Variants in FRMD4A observed in about 807,000 individuals in gnomAD.
FRMD4A encodes the protein FERM domain containing 4A, also known as FERM domain-containing protein 4A.
FRMD4A carries 29 observed loss-of-function variants against 129.1 expected under a neutral mutation model. The observed-to-expected ratio is 0.22, with a 90% CI of 0.17 to 0.31. The LOEUF (loss-of-function observed/expected upper bound fraction) is 0.31, where lower values mean the gene tolerates loss of function less well. Ranked by LOEUF, FRMD4A falls within the 10% of genes least tolerant of loss-of-function variation. The pLI is 1.00. For synonymous variants in FRMD4A, 634 were observed against 571.6 expected (o/e 1.11, Z -1.56); for missense variants, 1,272 against 1,375.8 (o/e 0.92, Z 1.19).
At chr10:13,724,323 C>A (rs12219658) in intron 12 of FRMD4A, among the ~76,000 whole-genome samples, 5 of 151,750 alleles carry the variant, frequency 3.3e-5, no homozygotes, top group Admixed American at 3.3e-4. Context: ...GGGAGGCGGA[C>A]GTTGCAGTGA....
At chr10:13,779,970 T>A (rs2092694861) in intron 6 of FRMD4A, among the ~76,000 whole-genome samples, 1 of 152,172 alleles carries the variant, frequency 6.6e-6, no homozygotes, top group Non-Finnish European at 1.5e-5. Context: ...TCATGAGACA[T>A]TCATTGCATT....
At chr10:14,267,289 A>G (rs1014468481) in intron 2 of FRMD4A, among the ~76,000 whole-genome samples, 5 of 152,258 alleles carry the variant, frequency 3.3e-5, no homozygotes, top group Admixed American at 6.5e-5. Flanking sequence ...GAGGTTTACA[A>G]TAAGGAAGAG....
chr10:13,768,018 A>G (rs759382084), intron 6 of FRMD4A, among the ~76,000 whole-genome samples: 2 of 149,618 alleles, frequency 1.3e-5, no homozygotes, highest in Non-Finnish European at 3.0e-5. Flanking sequence ...TGAATAATGC[A>G]TGCTGCTTCC....
chr10:14,164,783 G>C (rs989499952), intron 2 of FRMD4A, among the ~76,000 whole-genome samples: 2 of 152,162 alleles, frequency 1.3e-5, no homozygotes, highest in Admixed American at 6.5e-5. Context: ...ATAAGGATCA[G>C]GTCAAGTTTG....
chr10:14,227,441 G>A lies in FRMD4A; in HGVS notation c.45+102617C>T, dbSNP rs540150638. The stretch of plus-strand genomic sequence containing the variant: ...TAATTTTTGTATTTTTAGTAGAGAT[G>A]AGGTTTCGCCATGTTGGCTGGGCTG... On this transcript the variant is annotated intron_variant, in intron 2 of 24. Coordinates refer to ENST00000357447, the MANE Select transcript of FRMD4A (RefSeq NM_018027.5). Among the ~76,000 whole-genome samples, 12 of 151,662 alleles carry A rather than the reference G, an allele frequency of 7.9e-5. No individual in the cohort carries two copies. In the South Asian group the frequency reaches 2.5e-3, roughly 32 times the overall value.
intron 2 of FRMD4A, among the ~76,000 whole-genome samples, chr10:14,219,155 C>A (rs1010421857): frequency 6.6e-6 from 1 of 151,978 alleles, no homozygotes; most frequent in Non-Finnish European, 1.5e-5. Context: ...GGAAACACAA[C>A]AACAAAGACA....
intron 2 of FRMD4A, among the ~76,000 whole-genome samples, chr10:14,309,019 T>C (rs1846446734): frequency 6.6e-6 from 1 of 152,202 alleles, no homozygotes; most frequent in Admixed American, 6.5e-5. Context: ...TTTCCTTCCG[T>C]CTCCGTTTTT....
At position 14,033,084 on chromosome 10, in the gene FRMD4A, A is replaced by G. The variant is rs528364351; in HGVS notation, c.46-174172T>C. 5.9e-5 allele frequency among the ~76,000 whole-genome samples: 9 copies of G among 152,294 alleles called. No individual in the cohort carries two copies. The East Asian group carries it at 7.7e-4, about 13-fold the overall frequency. The stretch of plus-strand genomic sequence containing the variant: ...CACTTTGGGATGCTGAGGTGGGCGG[A>G]TCACCTGAGGTCAGGAGTTCGAGAT... On this transcript the variant is annotated intron_variant, in intron 2 of 24. Coordinates refer to ENST00000357447, the MANE Select transcript of FRMD4A (RefSeq NM_018027.5).
In FRMD4A at chr10:13,858,898, G is replaced by A. The variant is rs780441089; in HGVS notation, c.60C>T (p.Arg20=). 6.3e-7 allele frequency: 1 copy of A among 1,599,824 alleles called. No individual in the cohort carries two copies. Among genetic ancestry groups the A allele is most frequent in the South Asian group, 1.1e-5 (1 of 90,800 alleles). Residue 20 remains arginine, a synonymous_variant, in exon 3 of 25, where the codon CGC becomes CGT. Transcript: ENST00000357447. ...ALGLLMMTEG[R]RCQVHLLDDR... is the part of the protein sequence containing the mutation. ...CATCAAGAAGATGTACTTGACATCG[G>A]CGGCCCTCCGTCATCTAAGAGGGAA... is the stretch of plus-strand genomic sequence containing the variant.
At chr10:14,167,656 G>A (rs540560778) in intron 2 of FRMD4A, among the ~76,000 whole-genome samples, 2 of 152,176 alleles carry the variant, frequency 1.3e-5, no homozygotes, top group African/African-American at 4.8e-5. Flanking sequence ...TAGAGTGTGA[G>A]GGAGGCTTGG....
intron 2 of FRMD4A, among the ~76,000 whole-genome samples, chr10:14,219,876 C>A (rs530326931): frequency 2.0e-5 from 3 of 152,256 alleles, no homozygotes; most frequent in Admixed American, 6.5e-5. Context: ...GCTAGTCCTG[C>A]CTGAAACCCT....
chr10:13,876,417 C>T (rs1283796509), intron 2 of FRMD4A, among the ~76,000 whole-genome samples: 1 of 152,162 alleles, frequency 6.6e-6, no homozygotes, highest in African/African-American at 2.4e-5. Context: ...CTTTTTGATG[C>T]TACCAATTTT....
At chr10:13,948,922 T>C (rs971883062) in intron 2 of FRMD4A, among the ~76,000 whole-genome samples, 1 of 152,050 alleles carries the variant, frequency 6.6e-6, no homozygotes, top group African/African-American at 2.4e-5. Flanking sequence ...AGTGTTGGGA[T>C]TACAGGTGTG....
At chr10:14,190,131 C>G (rs2400043) in intron 2 of FRMD4A, among the ~76,000 whole-genome samples, 45,169 of 152,074 alleles carry the variant, frequency 0.3, 6,849 homozygotes, top group Admixed American at 0.34. Context: ...TTGGTTATCA[C>G]TCCCATTTTA....
At chr10:14,033,132 C>A (rs901775553) in intron 2 of FRMD4A, among the ~76,000 whole-genome samples, 3 of 152,044 alleles carry the variant, frequency 2.0e-5, no homozygotes, top group African/African-American at 7.2e-5. Context: ...CATGGTGAAA[C>A]CCTGTCTCTA....
rs71388166 is a variant in FRMD4A at position 14,220,783 on chromosome 10, C to CGT, written c.45+109273_45+109274dup. 1.1e-3 allele frequency among the ~76,000 whole-genome samples: 162 copies of CGT among 141,742 alleles called. 1 individual carries two copies. The highest frequency in any genetic ancestry group is 4.0e-3 in the African/African-American group (153 of 37,946). The allele number at this position is 141,742 out of a possible 152,430, so 93.0% of individuals were successfully genotyped here. ...GCAACCAGAGGAGTTGGCTGAGTTG[C>CGT]GTGTGTGTGTGTGTGTGTGTGTGTG... On this transcript the variant is annotated intron_variant, in intron 2 of 24. Transcript: ENST00000357447.
intron 19 of FRMD4A, among the ~76,000 whole-genome samples, chr10:13,662,459 T>G (rs2082707679): frequency 6.6e-6 from 1 of 152,128 alleles, no homozygotes; most frequent in African/African-American, 2.4e-5. Flanking sequence ...GCAAAAAAAT[T>G]AACTGCCACT....
At chr10:14,215,974 C>T (rs1044787978) in intron 2 of FRMD4A, among the ~76,000 whole-genome samples, 3 of 151,988 alleles carry the variant, frequency 2.0e-5, no homozygotes, top group African/African-American at 7.2e-5. Flanking sequence ...AAAAAAACCA[C>T]GTTGTTTTCC....
intron 2 of FRMD4A, among the ~76,000 whole-genome samples, chr10:14,024,953 A>T (rs1317252043): frequency 2.0e-5 from 3 of 152,260 alleles, no homozygotes; most frequent in Non-Finnish European, 4.4e-5. Context: ...GGTCCCACAG[A>T]AGTTGGCTGT....
Sources: gnomAD v4.1 joint callset for allele counts (sites outside exome capture counted in the v4.1 genomes callset) on GRCh38, gnomAD v4.1.1 for gene constraint, MANE v1.5 for transcripts, NCBI Gene and HGNC (gene_info 2026-07-23, HGNC 2026-07-21) for gene names.